Variants in PITHD1 observed in about 807,000 individuals in gnomAD.
The protein encoded by PITHD1 is PITH domain-containing protein 1.
In PITHD1, 8 loss-of-function variants were observed where a neutral mutation model predicts 27.5. That is an observed-to-expected ratio of 0.29 (90% CI 0.17 to 0.52). The LOEUF is 0.52. PITHD1 is among the 20% of genes least tolerant of loss of function. The pLI, the probability that PITHD1 is intolerant of heterozygous loss-of-function variation, is 0.96. For missense variants in PITHD1, 233 were observed against 283.9 expected (o/e 0.82, Z 1.29); for synonymous variants, 118 against 106.8 (o/e 1.10, Z -0.64).
rs1309044734 is a variant in PITHD1 at position 23,778,623 on chromosome 1, C to T, written c.108C>T (p.Asp36=). ...GLAYGLYLRI[D]LERLQCLNES... ...CCTACGGCCTGTACCTGCGCATCGA[C>T]CTGGAGCGGCTGCAATGCCTTAACG... is the stretch of plus-strand genomic sequence containing the variant. Residue 36 remains aspartate (D), a synonymous_variant, in exon 1 of 6, where the codon GAC becomes GAT. Transcript: ENST00000246151. 3.8e-6 allele frequency: 5 copies of T among 1,333,162 alleles called. No individual in the cohort carries two copies. The highest frequency in any genetic ancestry group is 3.9e-5 in the Admixed American group (1 of 25,834). 82.6% of individuals were successfully genotyped at this position (1,333,162 alleles called of 1,614,324 possible).
chr1:23,779,416 C>G, intron 1 of PITHD1, 22 bp from the exon 2 acceptor site: 1 of 1,593,048 alleles, frequency 6.3e-7, no homozygotes, highest in Non-Finnish European at 8.6e-7. Flanking sequence ...GCTTTCTCCT[C>G]CCCCCTCCCC....
At chr1:23,780,304 C>G (rs1169600268) in intron 3 of PITHD1, among the ~76,000 whole-genome samples, 1 of 152,074 alleles carries the variant, frequency 6.6e-6, no homozygotes. Context: ...CAACATTTTT[C>G]CTTGCTATTT....
At position 23,785,784 on chromosome 1, in the gene PITHD1, G is replaced by T; in HGVS notation, c.425+5G>T. ...AGAATTAGAGTATGCTACAAAGTAA[G>T]CACTGGGCCTGTCTTCCATTCTCTA... is the stretch of plus-strand genomic sequence containing the variant. On this transcript the variant is annotated splice_donor_5th_base_variant and intron_variant, in intron 4 of 5. Coordinates refer to ENST00000246151, the MANE Select transcript of PITHD1 (RefSeq NM_020362.5). 6.6e-7 allele frequency: 1 copy of T among 1,505,256 alleles called. No homozygotes were observed. Among genetic ancestry groups the T allele is most frequent in the Non-Finnish European group, 9.3e-7 (1 of 1,080,934 alleles). 93.2% of individuals were successfully genotyped at this position (1,505,256 alleles called of 1,614,324 possible).
At chr1:23,780,972 C>T (rs1374488252) in intron 3 of PITHD1, among the ~76,000 whole-genome samples, 8 of 151,848 alleles carry the variant, frequency 5.3e-5, no homozygotes, top group African/African-American at 1.9e-4. Flanking sequence ...GATGCCGAGA[C>T]TGGTTAGGAG....
chr1:23,781,913 C>A (rs1014521433), intron 3 of PITHD1, among the ~76,000 whole-genome samples: 1 of 151,992 alleles, frequency 6.6e-6, no homozygotes, highest in African/African-American at 2.4e-5. Flanking sequence ...TGAACAGATA[C>A]GAATACATAG....
At chr1:23,786,463 T>C (rs1391872866) in intron 5 of PITHD1, 40 bp downstream of exon 5, 1 of 909,860 alleles carries the variant, frequency 1.1e-6, no homozygotes, top group Non-Finnish European at 1.8e-6. Context: ...CATGTCTACA[T>C]ATCTGCACAC....
chr1:23,778,504 G>T lies in PITHD1; in HGVS notation c.-12G>T, dbSNP rs1221103083. ...GGTGGGGCCGAGAGGACGCGCAGGT[G>T]GCGGCGTTGCCATGTCGCACGGTCA... is the stretch of plus-strand genomic sequence containing the variant. On this transcript the variant is annotated 5_prime_UTR_variant, in exon 1 of 6. Transcript: ENST00000246151. 1.5e-6 allele frequency: 2 copies of T among 1,347,648 alleles called. No individual in the cohort carries two copies. Among genetic ancestry groups the T allele is most frequent in the African/African-American group, 3.1e-5 (2 of 65,252 alleles). 83.5% of individuals were successfully genotyped at this position (1,347,648 alleles called of 1,614,324 possible). A position where few individuals can be genotyped will look rare whatever the true frequency, so the allele number is the denominator to read the frequency against.
intron 3 of PITHD1, among the ~76,000 whole-genome samples, chr1:23,783,434 T>TATATATAC (rs1638638259): frequency 6.6e-5 from 5 of 75,754 alleles, no homozygotes; most frequent in South Asian, 2.9e-4. Context: ...TATATACGTG[T>TATATATAC]GTGTGTGTGT....
Position 23,787,243 on chromosome 1 carries a change from G to A in PITHD1, c.535-32G>A, listed in dbSNP as rs1024343545. The A allele has an allele frequency of 3.3e-6, 5 of 1,508,322 alleles. No homozygotes were observed. The South Asian group carries it at 3.4e-5, about 10-fold the overall frequency. 93.4% of individuals were successfully genotyped at this position (1,508,322 alleles called of 1,614,324 possible). A position where few individuals can be genotyped will look rare whatever the true frequency, so the allele number is the denominator to read the frequency against. On this transcript the variant is annotated intron_variant, in intron 5 of 5. Coordinates refer to ENST00000246151, the MANE Select transcript of PITHD1 (RefSeq NM_020362.5). ...TGTGGGAAAGGACAGTTCTTTTAAT[G>A]GCTGGCTGACCCAGCCTCAATTTTC... is the stretch of plus-strand genomic sequence containing the variant.
chr1:23,778,820 G>A, intron 1 of PITHD1, 107 bp downstream of exon 1: 1 of 666,478 alleles, frequency 1.5e-6, no homozygotes, highest in Non-Finnish European at 2.1e-6. Context: ...TGGTTGCCAA[G>A]CGCTTTTCCG....
intron 3 of PITHD1, 25 bp from the exon 4 acceptor site, chr1:23,785,650 A>G (rs759225347): frequency 6.9e-7 from 1 of 1,446,922 alleles, no homozygotes; most frequent in Non-Finnish European, 9.7e-7. Context: ...ACATTTCTTG[A>G]CTTTTCTTTC....
At chr1:23,782,687 G>A (rs1374925788) in intron 3 of PITHD1, among the ~76,000 whole-genome samples, 8 of 151,466 alleles carry the variant, frequency 5.3e-5, no homozygotes, top group South Asian at 2.1e-4. Flanking sequence ...CTGCAGCCTC[G>A]ACCTCCTCAG....
At chr1:23,787,147 TTAAAA>T (rs1368231977) in intron 5 of PITHD1, 123 bp from the exon 6 acceptor site, 7 of 563,730 alleles carry the variant, frequency 1.2e-5, no homozygotes, top group African/African-American at 5.7e-5. Context: ...CATCTAAGTA[TTAAAA>T]TAAGGAGATA....
rs183334193 is a variant in PITHD1, at chr1:23,784,763, C to T, written c.321-912C>T. ...AGACAGAGTCTCTCTGTCACCCAGG[C>T]TGGAGTACAGTGGCGTGATCTTGGC... is the stretch of plus-strand genomic sequence containing the variant. On this transcript the variant is annotated intron_variant, in intron 3 of 5. Transcript: ENST00000246151. Among the ~76,000 whole-genome samples the T allele has an allele frequency of 2.6e-3, 389 of 152,292 alleles. 3 individuals carry two copies. The highest frequency in any genetic ancestry group is 2.0e-3 in the Non-Finnish European group (137 of 68,022).
In PITHD1 at chr1:23,778,592, G is replaced by A. The variant is rs2148398250; in HGVS notation, c.77G>A (p.Gly26Asp). The A allele has an allele frequency of 1.5e-6, 2 of 1,332,298 alleles. No individual in the cohort carries two copies. The highest frequency in any genetic ancestry group is 2.0e-5 in the South Asian group (1 of 50,790). The allele number at this position is 1,332,298 out of a possible 1,614,324, so 82.5% of individuals were successfully genotyped here. The change falls in exon 1 of 6, where the codon GGC becomes GAC. Residue 26 changes from glycine (G) to aspartate (D), a missense_variant. Physicochemically the swap from Gly to Asp is moderately conservative, Grantham distance 94. Coordinates refer to ENST00000246151, the MANE Select transcript of PITHD1 (RefSeq NM_020362.5). Reference sequence around the variant, plus strand: ...CGGGAGGAGCCGCCCGAGCAGCGCGGCCTGGCCTACGGCCTGTACCTGCGC... The same window carrying A: ...CGGGAGGAGCCGCCCGAGCAGCGCGACCTGGCCTACGGCCTGTACCTGCGC... ...AEREEPPEQR[G>D]LAYGLYLRID...
intron 4 of PITHD1, among the ~76,000 whole-genome samples, 185 bp from the exon 5 acceptor site, chr1:23,786,130 G>A (rs539148520): frequency 1.3e-5 from 2 of 152,186 alleles, no homozygotes; most frequent in Non-Finnish European, 2.9e-5. Flanking sequence ...CCTTGGACAG[G>A]ATCTGGCAGG....
Position 23,778,419 on chromosome 1 carries a change from G to C in PITHD1, c.-97G>C, listed in dbSNP as rs904851217. ...CGACGCGGCAGGCGCGGCGCGCTTAGTTGCCGGAGCTGAACGGCGCGGAGC... is the reference window on the plus strand; with the variant it reads ...CGACGCGGCAGGCGCGGCGCGCTTACTTGCCGGAGCTGAACGGCGCGGAGC... On this transcript the variant is annotated 5_prime_UTR_variant, in exon 1 of 6. Transcript: ENST00000246151. 5 of 808,340 alleles carry C rather than the reference G, an allele frequency of 6.2e-6. No individual in the cohort carries two copies. The Admixed American group carries it at 1.5e-4, about 24-fold the overall frequency. 50.1% of individuals were successfully genotyped at this position (808,340 alleles called of 1,614,324 possible).
chr1:23,785,629 C>T lies in PITHD1; in HGVS notation c.321-46C>T, dbSNP rs771714558. ...AGTAGAAAATTTTGAAAACCTGAAA[C>T]GTGATAATGCACATTTCTTGACTTT... On this transcript the variant is annotated intron_variant, in intron 3 of 5. Coordinates refer to ENST00000246151, the MANE Select transcript of PITHD1 (RefSeq NM_020362.5). 3.1e-4 allele frequency: 385 copies of T among 1,230,050 alleles called. 1 individual carries two copies. Among genetic ancestry groups the T allele is most frequent in the Non-Finnish European group, 4.3e-4 (364 of 837,632 alleles). 76.2% of individuals were successfully genotyped at this position (1,230,050 alleles called of 1,614,324 possible).
intron 5 of PITHD1, among the ~76,000 whole-genome samples, chr1:23,786,746 C>T (rs542222663): frequency 1.6e-4 from 24 of 151,778 alleles, no homozygotes; most frequent in African/African-American, 4.6e-4. Flanking sequence ...CCCACTCCCA[C>T]GCCTGGCTAA....
Sources: gnomAD v4.1 joint callset for allele counts (sites outside exome capture counted in the v4.1 genomes callset) on GRCh38, gnomAD v4.1.1 for gene constraint, MANE v1.5 for transcripts, NCBI Gene and HGNC (gene_info 2026-07-23, HGNC 2026-07-21) for gene names.